Variants in FAM135B observed in about 807,000 individuals in gnomAD.
The protein encoded by FAM135B is family with sequence similarity 135 member B.
FAM135B carries 43 observed loss-of-function variants against 127.7 expected under a neutral mutation model. The ratio of observed to expected loss-of-function variants is 0.34; its 90% CI spans 0.26 to 0.43. The LOEUF (loss-of-function observed/expected upper bound fraction) is 0.43. FAM135B is among the 20% of genes least tolerant of loss of function. The probability of loss-of-function intolerance (pLI) is 1.00; values close to 1 mark genes in which losing one functional copy is unlikely to be tolerated. For synonymous variants in FAM135B, 670 were observed against 665.1 expected, an observed-to-expected ratio of 1.01 and a Z score of -0.11; for missense variants, 1,558 against 1,725.6, an observed-to-expected ratio of 0.90 and a Z score of 1.72.
intron 4 of FAM135B, among the ~76,000 whole-genome samples, chr8:138,265,462 G>A (rs539187834): frequency 6.6e-6 from 1 of 152,178 alleles, no homozygotes; most frequent in African/African-American, 2.4e-5. Context: ...AAGAGACCCA[G>A]TAAATGAGTC....
chr8:138,419,575 G>T (rs998030143), intron 1 of FAM135B, among the ~76,000 whole-genome samples: 1 of 151,958 alleles, frequency 6.6e-6, no homozygotes, highest in Non-Finnish European at 1.5e-5. Context: ...TCAGCACATG[G>T]CAACTACTCT....
At chr8:138,156,703 T>A (rs1818788510) in intron 12 of FAM135B, among the ~76,000 whole-genome samples, 1 of 151,892 alleles carries the variant, frequency 6.6e-6, no homozygotes. Context: ...ATAGAAGAAA[T>A]GGATAAATTC....
At chr8:138,363,755 T>C (rs1830578187) in intron 2 of FAM135B, among the ~76,000 whole-genome samples, 1 of 152,202 alleles carries the variant, frequency 6.6e-6, no homozygotes, top group Non-Finnish European at 1.5e-5. Flanking sequence ...TTCTTCTTTA[T>C]CTTTATGCTT....
chr8:138,292,589 A>G (rs1007771188), intron 3 of FAM135B, among the ~76,000 whole-genome samples: 2 of 152,084 alleles, frequency 1.3e-5, no homozygotes, highest in African/African-American at 4.8e-5. Context: ...TATTAAAACT[A>G]CCATTGATAT....
rs762677325 is a variant in FAM135B, at chr8:138,151,566, C to G, written c.2909G>C (p.Arg970Thr). 6.2e-7 allele frequency: 1 copy of G among 1,614,226 alleles called. No homozygotes were observed. The highest frequency in any genetic ancestry group is 1.7e-5 in the Admixed American group (1 of 60,020). ...AGCCTCCGGGAAGGCATTCACTCCT[C>G]TATTAAATGCTGTGTCATCCATAAT... is the stretch of plus-strand genomic sequence containing the variant. The part of the protein sequence containing the change: ...PCIMDDTAFN[R>T]GVNAFPEAKH... The change falls in exon 13 of 20, where the codon AGA becomes ACA. Residue 970 changes from arginine to threonine, a missense_variant. Coordinates refer to ENST00000395297, the MANE Select transcript of FAM135B (RefSeq NM_015912.4).
At chr8:138,312,297 G>A (rs1360837528) in intron 2 of FAM135B, among the ~76,000 whole-genome samples, 1 of 152,090 alleles carries the variant, frequency 6.6e-6, no homozygotes, top group East Asian at 1.9e-4. Context: ...CCAGAAAGAT[G>A]AAGTGACAGA....
chr8:138,344,046 G>T (rs1587164054), intron 2 of FAM135B, among the ~76,000 whole-genome samples: 1 of 152,206 alleles, frequency 6.6e-6, no homozygotes, highest in Admixed American at 6.5e-5. Flanking sequence ...GAGGAGGGAG[G>T]CAGACGGAGG....
At chr8:138,360,769 A>T (rs1237669904) in intron 2 of FAM135B, among the ~76,000 whole-genome samples, 1 of 152,160 alleles carries the variant, frequency 6.6e-6, no homozygotes, top group Non-Finnish European at 1.5e-5. Context: ...AACTTCTAGT[A>T]CATGATGAAG....
At chr8:138,345,457 CT>C (rs1260878702) in intron 2 of FAM135B, among the ~76,000 whole-genome samples, 1 of 152,192 alleles carries the variant, frequency 6.6e-6, no homozygotes, top group African/African-American at 2.4e-5. Context: ...GTAACAGAGT[CT>C]ATGTAACTCC....
rs1019912402 is a variant in FAM135B, at chr8:138,241,026, G to C, written c.669+1916C>G. Among the ~76,000 whole-genome samples, 7 of 152,160 alleles carry C rather than the reference G, an allele frequency of 4.6e-5. No individual in the cohort carries two copies. Among genetic ancestry groups the C allele is most frequent in the Non-Finnish European group, 8.8e-5 (6 of 68,030 alleles). The stretch of plus-strand genomic sequence containing the variant: ...CTGAGACTCTTCAGTCTCTACAATG[G>C]GGTCTACTGAAACTCTGGGTGCCAG... On this transcript the variant is annotated intron_variant, in intron 7 of 19. Transcript: ENST00000395297. This position sits in a 1 kb window ranked among gnomAD's most constrained non-coding sequence, Gnocchi z 4.8.
intron 5 of FAM135B, among the ~76,000 whole-genome samples, chr8:138,255,618 C>T (rs185611203): frequency 6.6e-6 from 1 of 152,220 alleles, no homozygotes; most frequent in East Asian, 1.9e-4. Context: ...TTCCCATGGG[C>T]CAGATGTGTG....
chr8:138,339,463 T>G (rs1828888398), intron 2 of FAM135B, among the ~76,000 whole-genome samples: 1 of 151,810 alleles, frequency 6.6e-6, no homozygotes, highest in Non-Finnish European at 1.5e-5. Flanking sequence ...TCCTCTCTTC[T>G]TCCCTGAAGC....
At chr8:138,392,539 A>G (rs1832636427) in intron 1 of FAM135B, among the ~76,000 whole-genome samples, 1 of 151,946 alleles carries the variant, frequency 6.6e-6, no homozygotes, top group African/African-American at 2.4e-5. Context: ...CCACCCCCTC[A>G]CCTTCTCCTT....
intron 7 of FAM135B, among the ~76,000 whole-genome samples, chr8:138,213,138 G>A (rs1162910060): frequency 2.0e-5 from 3 of 152,150 alleles, no homozygotes; most frequent in African/African-American, 7.2e-5. Context: ...TGGCTAAGAA[G>A]TGACTCCTGA....
intron 1 of FAM135B, among the ~76,000 whole-genome samples, chr8:138,422,327 A>C (rs1834560949): frequency 6.6e-6 from 1 of 152,206 alleles, no homozygotes. Flanking sequence ...TAATAGATTA[A>C]ACAGAAAACC....
Position 138,242,165 on chromosome 8 carries a change from TTGTGTGTGTGTGTGTGTGTGTGTG to T in FAM135B, c.669+753_669+776del, listed in dbSNP as rs55837421. Among the ~76,000 whole-genome samples the T allele has an allele frequency of 2.4e-3, 311 of 130,086 alleles. 2 individuals carry two copies. The highest frequency in any genetic ancestry group is 3.9e-3 in the Non-Finnish European group (245 of 62,452). The allele number at this position is 130,086 out of a possible 152,430, so 85.3% of individuals were successfully genotyped here. On this transcript the variant is annotated intron_variant, in intron 7 of 19. Coordinates refer to ENST00000395297, the MANE Select transcript of FAM135B (RefSeq NM_015912.4). This position sits in a 1 kb window ranked among gnomAD's most constrained non-coding sequence, Gnocchi z 9.6. ...AGTCAATTACTTATGATAAATCTCTTTGTGTGTGTGTGTGTGTGTGTGTGTGTGTGTGTGTGTGTGTGTGTGTGT... is the reference window on the plus strand; with the variant it reads ...AGTCAATTACTTATGATAAATCTCTTTGTGTGTGTGTGTGTGTGTGTGTGT...
At chr8:138,146,424 A>C (rs2280850) in intron 14 of FAM135B, among the ~76,000 whole-genome samples, 61,161 of 152,016 alleles carry the variant, frequency 0.4, 13,185 homozygotes, top group East Asian at 0.75. Context: ...AATGCGACTC[A>C]TACGAGCCCC....
At chr8:138,189,664 T>C (rs997256872) in intron 9 of FAM135B, among the ~76,000 whole-genome samples, 4 of 152,162 alleles carry the variant, frequency 2.6e-5, no homozygotes, top group Admixed American at 1.3e-4. Context: ...CCAGCTCCTG[T>C]ACCTGCTCAC....
chr8:138,420,206 G>C (rs566949242), intron 1 of FAM135B, among the ~76,000 whole-genome samples: 65 of 628 alleles, frequency 0.1, no homozygotes, highest in African/African-American at 0.29. Context: ...AAAACACTCA[G>C]AGACTATTAC....
Sources: gnomAD v4.1 joint callset for allele counts (sites outside exome capture counted in the v4.1 genomes callset) on GRCh38, gnomAD v4.1.1 for gene constraint, Gnocchi (gnomAD v3.1) non-coding constraint, MANE v1.5 for transcripts, NCBI Gene and HGNC (gene_info 2026-07-23, HGNC 2026-07-21) for gene names.